The following SV2C variants were observed in gnomAD, a reference collection of about 807,000 sequenced individuals.
SV2C encodes synaptic vesicle glycoprotein 2C.
A neutral mutation model predicts 79.7 loss-of-function variants in SV2C; 49 were observed. The ratio of observed to expected loss-of-function variants is 0.61; its 90% CI spans 0.49 to 0.78. The LOEUF (loss-of-function observed/expected upper bound fraction) is 0.78, where lower values mean the gene tolerates loss of function less well. SV2C is among the 30% of genes least tolerant of loss of function. The pLI is 0.00. For missense variants in SV2C, 833 were observed against 912.9 expected, an observed-to-expected ratio of 0.91 and a Z score of 1.13; for synonymous variants, 334 against 333.2, an observed-to-expected ratio of 1.00 and a Z score of -0.03.
chr5:76,285,180 G>A lies in SV2C; in HGVS notation c.932G>A (p.Gly311Glu), dbSNP rs1473856957. ...IPHYGWSFSM[G>E]SAYQFHSWRV... is the part of the protein sequence containing the mutation. Reference sequence around the variant, plus strand: ...TTTCCAGGGTGGAGCTTCAGCATGGGATCGGCCTACCAGTTTCACAGTTGG... The same window carrying A: ...TTTCCAGGGTGGAGCTTCAGCATGGAATCGGCCTACCAGTTTCACAGTTGG... Residue 311 changes from glycine to glutamate, a missense_variant, in exon 5 of 13, where the codon GGA (glycine) becomes GAA (glutamate). Physicochemically the swap from Gly to Glu is moderately conservative, Grantham distance 98 (BLOSUM62 -2). Coordinates refer to ENST00000502798, the MANE Select transcript of SV2C (RefSeq NM_014979.4). 1 of 1,614,198 alleles carries A rather than the reference G, an allele frequency of 6.2e-7. No individual in the cohort carries two copies. Among genetic ancestry groups the A allele is most frequent in the Admixed American group, 1.7e-5 (1 of 60,034 alleles).
intron 12 of SV2C, among the ~76,000 whole-genome samples, chr5:76,348,154 T>C (rs1749577728): frequency 6.6e-6 from 1 of 152,244 alleles, no homozygotes; most frequent in Non-Finnish European, 1.5e-5. Flanking sequence ...CCAAATGTCA[T>C]ATAGTTAGAA....
intron 4 of SV2C, among the ~76,000 whole-genome samples, chr5:76,258,593 T>C (rs1746368075): frequency 1.3e-5 from 2 of 152,206 alleles, no homozygotes; most frequent in Non-Finnish European, 2.9e-5. Flanking sequence ...CAGATTAGTT[T>C]ATAAAGTGTC....
the SV2C span, among the ~76,000 whole-genome samples, chr5:76,002,800 T>C: frequency 5.3e-5 from 8 of 152,024 alleles, no homozygotes; most frequent in Admixed American, 3.3e-4. Flanking sequence ...TAGATAAAAA[T>C]GATAAAAATA....
chr5:75,962,439 TGTATTGAC>T, the SV2C span, among the ~76,000 whole-genome samples: 18 of 152,092 alleles, frequency 1.2e-4, no homozygotes, highest in Non-Finnish European at 2.2e-4. Flanking sequence ...AATAAGGCAA[TGTATTGAC>T]TTAGAGAACT....
chr5:76,058,716 GA>G, the SV2C span, among the ~76,000 whole-genome samples: 1 of 152,068 alleles, frequency 6.6e-6, no homozygotes, highest in Non-Finnish European at 1.5e-5. Flanking sequence ...AATGTGACTA[GA>G]AGTTAGAATT....
chr5:76,291,716 T>A (rs1215923821), intron 7 of SV2C, 52 bp from the exon 8 acceptor site: 1 of 1,297,712 alleles, frequency 7.7e-7, no homozygotes, highest in African/African-American at 1.5e-5. Context: ...GGTCGGGGAG[T>A]GGGGTTGACT....
At chr5:75,979,867 T>C in the SV2C span, among the ~76,000 whole-genome samples, 4 of 151,782 alleles carry the variant, frequency 2.6e-5, no homozygotes. Flanking sequence ...AGACAAGAAA[T>C]AACCAAAATC....
At chr5:75,859,023 C>T in the SV2C span, among the ~76,000 whole-genome samples, 1 of 150,824 alleles carries the variant, frequency 6.6e-6, no homozygotes, top group Admixed American at 6.6e-5. Flanking sequence ...TTTTGTTTAT[C>T]TTTCCAAAGA....
intron 1 of SV2C, among the ~76,000 whole-genome samples, chr5:76,121,683 A>G (rs1181207179): frequency 6.6e-6 from 1 of 151,804 alleles, no homozygotes; most frequent in Non-Finnish European, 1.5e-5. Context: ...AGTTGTAGAT[A>G]TGCGGCGTTA....
intron 4 of SV2C, among the ~76,000 whole-genome samples, chr5:76,230,772 G>A (rs147237207): frequency 0.12 from 17,563 of 151,360 alleles, 2,998 homozygotes; most frequent in African/African-American, 0.38. Context: ...CTGGGTGACA[G>A]AGCAAGACTC....
At chr5:76,035,953 A>C in the SV2C span, among the ~76,000 whole-genome samples, 1 of 152,140 alleles carries the variant, frequency 6.6e-6, no homozygotes, top group African/African-American at 2.4e-5. Flanking sequence ...ATATATATTT[A>C]GGATAGTTAG....
chr5:76,181,233 A>G (rs1406313793), intron 2 of SV2C, among the ~76,000 whole-genome samples: 1 of 152,214 alleles, frequency 6.6e-6, no homozygotes, highest in Admixed American at 6.5e-5. Flanking sequence ...GTAGGAACAC[A>G]ACCACACCCA....
chr5:76,297,475 G>T (rs1359971306), intron 9 of SV2C, among the ~76,000 whole-genome samples: 1 of 152,142 alleles, frequency 6.6e-6, no homozygotes, highest in Non-Finnish European at 1.5e-5. Flanking sequence ...TGTGCACCAT[G>T]TGTACTCTCT....
the SV2C span, among the ~76,000 whole-genome samples, chr5:75,902,507 T>C: frequency 6.6e-6 from 1 of 152,228 alleles, no homozygotes; most frequent in Non-Finnish European, 1.5e-5. Context: ...AAAGGAACCT[T>C]TGGATTTGGC....
the SV2C span, chr5:75,921,575 G>T: frequency 1.1e-6 from 1 of 947,906 alleles, no homozygotes; most frequent in Non-Finnish European, 1.7e-6. Flanking sequence ...ATTGCGGCCC[G>T]TGAAGTTCCT....
At chr5:75,901,444 A>C in the SV2C span, among the ~76,000 whole-genome samples, 1 of 152,014 alleles carries the variant, frequency 6.6e-6, no homozygotes, top group Non-Finnish European at 1.5e-5. Context: ...GTTCCTCTGG[A>C]AGTTTTGTCT....
intron 12 of SV2C, among the ~76,000 whole-genome samples, chr5:76,342,224 C>G (rs1749455945): frequency 6.6e-6 from 1 of 152,188 alleles, no homozygotes; most frequent in Admixed American, 6.5e-5. Flanking sequence ...AGACCTGACA[C>G]AACTCGTCAA....
At chr5:76,238,053 CACACACACACACATAT>C (rs759134974) in intron 4 of SV2C, among the ~76,000 whole-genome samples, 3 of 134,046 alleles carry the variant, frequency 2.2e-5, no homozygotes, top group Non-Finnish European at 4.5e-5. Context: ...CACACACACA[CACACACACACACATAT>C]ATATACCTCA....
the SV2C span, among the ~76,000 whole-genome samples, chr5:75,950,833 C>T: frequency 7.9e-5 from 12 of 152,072 alleles, no homozygotes; most frequent in South Asian, 1.9e-3. Flanking sequence ...AGTAATATCC[C>T]TGGAACAATT....
Sources: allele counts gnomAD v4.1 joint callset (sites outside exome capture counted in the v4.1 genomes callset), GRCh38; gene constraint gnomAD v4.1.1; transcripts MANE v1.5; gene names NCBI Gene and HGNC (gene_info 2026-07-23, HGNC 2026-07-21).